The following ZNF236 variants were observed in gnomAD, a reference collection of about 807,000 sequenced individuals.
ZNF236 encodes the protein regulated by glucose.
ZNF236 carries 50 observed loss-of-function variants against 191.2 expected under a neutral mutation model. The ratio of observed to expected loss-of-function variants is 0.26; its 90% CI spans 0.21 to 0.33. The LOEUF is 0.33. Ranked by LOEUF, ZNF236 falls within the 10% of genes least tolerant of loss-of-function variation. The probability of loss-of-function intolerance (pLI) is 1.00; values close to 1 mark genes in which losing one functional copy is unlikely to be tolerated. For missense variants in ZNF236, 1,754 were observed against 2,374.5 expected (o/e 0.74, Z 5.43); for synonymous variants, 907 against 928.8 (o/e 0.98, Z 0.43).
rs890980779 is a variant in ZNF236, at chr18:76,972,665, CAA to C, written c.*4328_*4329del. On this transcript the variant is annotated 3_prime_UTR_variant, in exon 31 of 31. Coordinates refer to ENST00000320610, the MANE Select transcript of ZNF236 (RefSeq NM_001306089.2). ...CTATCAATATTTGTATCATAATTGA[CAA>C]ATTCTCAAGTGACATAGGGATTTGT... Among the ~76,000 whole-genome samples the C allele has an allele frequency of 1.8e-4, 27 of 152,116 alleles. No homozygotes were observed. Among genetic ancestry groups the C allele is most frequent in the Non-Finnish European group, 4.0e-4 (27 of 68,014 alleles).
At chr18:76,881,248 G>T in intron 8 of ZNF236, 36 bp from the exon 9 acceptor site, 1 of 1,583,970 alleles carries the variant, frequency 6.3e-7, no homozygotes, top group East Asian at 2.2e-5. Flanking sequence ...TTGGGCCATC[G>T]TTACCTTCTA....
chr18:76,920,120 C>A (rs1377907032), intron 20 of ZNF236, 62 bp downstream of exon 20: 2 of 1,536,128 alleles, frequency 1.3e-6, no homozygotes, highest in African/African-American at 2.7e-5. Context: ...GGCAGCTGCT[C>A]CTTTGGTGAT....
At chr18:76,934,394 G>A (rs1049476047) in intron 25 of ZNF236, among the ~76,000 whole-genome samples, 3 of 152,320 alleles carry the variant, frequency 2.0e-5, no homozygotes, top group Admixed American at 1.3e-4. Context: ...GAAGCAGATC[G>A]TAGTCTTGAT....
chr18:76,875,299 G>A lies in ZNF236; in HGVS notation c.668-193G>A, dbSNP rs945829162. ...GAAGCCCACAGGTGGAGCAGTTTGCGAGATGGTCAAGTGCAGTTTTGACAT... is the reference window on the plus strand; with the variant it reads ...GAAGCCCACAGGTGGAGCAGTTTGCAAGATGGTCAAGTGCAGTTTTGACAT... On this transcript the variant is annotated intron_variant, in intron 5 of 30. Transcript: ENST00000320610. The surrounding 1 kb of genome is among the most constrained non-coding windows in gnomAD (Gnocchi z 4.3). 2.6e-5 allele frequency among the ~76,000 whole-genome samples: 4 copies of A among 152,206 alleles called. No homozygotes were observed. Among genetic ancestry groups the A allele is most frequent in the Admixed American group, 6.5e-5 (1 of 15,282 alleles).
chr18:76,932,292 G>C (rs1480715343), intron 25 of ZNF236, among the ~76,000 whole-genome samples: 1 of 152,216 alleles, frequency 6.6e-6, no homozygotes, highest in African/African-American at 2.4e-5. Flanking sequence ...CAGCCACTCA[G>C]CTTTGCATGG....
chr18:76,856,543 G>T (rs146254208), intron 3 of ZNF236, among the ~76,000 whole-genome samples: 2 of 152,298 alleles, frequency 1.3e-5, no homozygotes, highest in East Asian at 3.9e-4. Context: ...GTAATTTAAA[G>T]ATAGTATGTT....
At chr18:76,870,741 G>A (rs928467900) in intron 4 of ZNF236, among the ~76,000 whole-genome samples, 7 of 152,114 alleles carry the variant, frequency 4.6e-5, no homozygotes, top group African/African-American at 1.4e-4. Flanking sequence ...TGCAGCCTTA[G>A]GGGACCCACC....
intron 27 of ZNF236, among the ~76,000 whole-genome samples, chr18:76,951,057 A>G (rs1006053574): frequency 1.5e-4 from 23 of 152,384 alleles, no homozygotes; most frequent in Non-Finnish European, 3.4e-4. Context: ...TCAGCAAATC[A>G]TGCTGTAAAC....
Position 76,881,450 on chromosome 18 carries a change from G to T in ZNF236, c.1355G>T (p.Ser452Ile), listed in dbSNP as rs778948029. 2 of 1,613,824 alleles carry T rather than the reference G, an allele frequency of 1.2e-6. No homozygotes were observed. The highest frequency in any genetic ancestry group is 1.1e-5 in the South Asian group (1 of 91,032). Residue 452 changes from serine (S) to isoleucine (I), a missense_variant, in exon 9 of 31, where the codon AGC (serine) becomes ATC (isoleucine). This residue lies in a region of ZNF236 where 126 missense variants were observed against 110.9 expected (regional missense o/e 1.14). Transcript: ENST00000320610. ...TDAEQEKEQE[S>I]PEKLDKKEKK... ...GCAGAGCAAGAAAAAGAACAGGAAA[G>T]CCCGGAGAAACTGGATAAAAAAGAA...
intron 1 of ZNF236, among the ~76,000 whole-genome samples, chr18:76,822,892 G>T (rs1261558316): frequency 2.0e-5 from 3 of 147,942 alleles, no homozygotes; most frequent in Non-Finnish European, 4.5e-5. Context: ...TACTTTCCTG[G>T]GCCGGGCGGC....
intron 6 of ZNF236, among the ~76,000 whole-genome samples, chr18:76,876,038 A>T (rs929103826): frequency 6.6e-6 from 1 of 152,228 alleles, no homozygotes; most frequent in Non-Finnish European, 1.5e-5. Context: ...GGGAAAAAAA[A>T]GTGTTTTTCT....
intron 19 of ZNF236, among the ~76,000 whole-genome samples, chr18:76,917,209 T>C (rs979941636): frequency 6.6e-6 from 1 of 152,240 alleles, no homozygotes; most frequent in African/African-American, 2.4e-5. Context: ...ATTTTTAAAA[T>C]TCTGTCATGA....
At chr18:76,904,257 T>G in intron 11 of ZNF236, 123 bp from the exon 12 acceptor site, 2 of 860,102 alleles carry the variant, frequency 2.3e-6, no homozygotes, top group Non-Finnish European at 3.2e-6. Context: ...AATAACATAG[T>G]TGCAACATTA....
chr18:76,946,310 T>TCCA (rs1968260929), intron 26 of ZNF236, among the ~76,000 whole-genome samples: 1 of 152,234 alleles, frequency 6.6e-6, no homozygotes, highest in Non-Finnish European at 1.5e-5. Context: ...CTTCATGCCT[T>TCCA]CCACCATGAT....
chr18:76,862,655 C>T (rs1275967219), intron 3 of ZNF236, among the ~76,000 whole-genome samples: 1 of 152,152 alleles, frequency 6.6e-6, no homozygotes, highest in Non-Finnish European at 1.5e-5. Context: ...GGCCTCCCTC[C>T]CCATCAGTGA....
chr18:76,859,476 T>G (rs1976151249), intron 3 of ZNF236, among the ~76,000 whole-genome samples: 1 of 152,182 alleles, frequency 6.6e-6, no homozygotes, highest in African/African-American at 2.4e-5. Flanking sequence ...TTAATAGTTA[T>G]TTGAAAGACC....
chr18:76,948,913 T>C (rs1429415118), intron 27 of ZNF236, among the ~76,000 whole-genome samples: 4 of 152,302 alleles, frequency 2.6e-5, no homozygotes, highest in African/African-American at 7.2e-5. Context: ...CTATGTGGCA[T>C]TGCCCAAGGT....
At chr18:76,862,671 CAG>C (rs1976276784) in intron 3 of ZNF236, among the ~76,000 whole-genome samples, 1 of 152,182 alleles carries the variant, frequency 6.6e-6, no homozygotes, top group South Asian at 2.1e-4. Flanking sequence ...AGTGATGAGA[CAG>C]AACCATGCAA....
At chr18:76,902,891 T>G (rs1977638221) in intron 11 of ZNF236, among the ~76,000 whole-genome samples, 1 of 152,058 alleles carries the variant, frequency 6.6e-6, no homozygotes, top group African/African-American at 2.4e-5. Context: ...GTGCCCAGCC[T>G]GCATTTTTCT....
Sources: gnomAD v4.1 joint callset for allele counts (sites outside exome capture counted in the v4.1 genomes callset) on GRCh38, gnomAD v4.1.1 for gene constraint, gnomAD v4.1.1 regional missense constraint, Gnocchi (gnomAD v3.1) non-coding constraint, MANE v1.5 for transcripts, NCBI Gene and HGNC (gene_info 2026-07-23, HGNC 2026-07-21) for gene names.